ZCCHC17: variants seen among roughly 807,000 people sequenced by gnomAD.
ZCCHC17 encodes the protein zinc finger CCHC domain-containing protein 17.
ZCCHC17 carries 18 observed loss-of-function variants against 30.6 expected under a neutral mutation model. The ratio of observed to expected loss-of-function variants is 0.59; its 90% CI spans 0.41 to 0.87. The LOEUF (loss-of-function observed/expected upper bound fraction) is 0.87, where lower values mean the gene tolerates loss of function less well. ZCCHC17 is among the 40% of genes least tolerant of loss of function. The probability of loss-of-function intolerance (pLI) is 0.00; values close to 1 mark genes in which losing one functional copy is unlikely to be tolerated. For synonymous variants in ZCCHC17, 88 were observed against 92.4 expected, an observed-to-expected ratio of 0.95 and a Z score of 0.27; for missense variants, 263 against 284.2, an observed-to-expected ratio of 0.93 and a Z score of 0.54.
At chr1:31,354,467 G>T (rs1315426576) in intron 7 of ZCCHC17, among the ~76,000 whole-genome samples, 1 of 151,998 alleles carries the variant, frequency 6.6e-6, no homozygotes. Flanking sequence ...ACAGTCACAT[G>T]ATCGTGGCTC....
chr1:31,339,854 T>C lies in ZCCHC17; in HGVS notation c.317+806T>C, dbSNP rs535582100. 3.3e-5 allele frequency among the ~76,000 whole-genome samples: 5 copies of C among 152,178 alleles called. No individual in the cohort carries two copies. In the South Asian group the frequency reaches 1.0e-3, roughly 32 times the overall value. ...GTGCTCTGAAAACAACATCTTACTT[T>C]CGTTGGCTCTTCTGACCTTTCATTT... On this transcript the variant is annotated intron_variant, in intron 5 of 7. Transcript: ENST00000344147.
chr1:31,340,978 A>G (rs1403348780), intron 5 of ZCCHC17, among the ~76,000 whole-genome samples: 5 of 152,160 alleles, frequency 3.3e-5, no homozygotes, highest in Admixed American at 2.0e-4. Flanking sequence ...GTACATAACA[A>G]CCTGCAAAGT....
chr1:31,308,641 A>G (rs981343078), intron 1 of ZCCHC17, among the ~76,000 whole-genome samples: 50 of 152,352 alleles, frequency 3.3e-4, no homozygotes, highest in African/African-American at 1.0e-3. Flanking sequence ...CAGAGTAAAG[A>G]GGCATGTTTA....
At chr1:31,357,819 G>T (rs1008542836) in intron 7 of ZCCHC17, among the ~76,000 whole-genome samples, 1 of 150,772 alleles carries the variant, frequency 6.6e-6, no homozygotes, top group Non-Finnish European at 1.5e-5. Context: ...GCAATGGTGC[G>T]ATCTCAGCTC....
intron 3 of ZCCHC17, among the ~76,000 whole-genome samples, chr1:31,323,523 G>A (rs1018983474): frequency 5.9e-5 from 9 of 151,750 alleles, no homozygotes; most frequent in African/African-American, 9.7e-5. Context: ...GGGTTTCACC[G>A]TGTTAGCCAG....
At chr1:31,319,218 A>T in intron 3 of ZCCHC17, 52 bp downstream of exon 3, 1 of 1,445,806 alleles carries the variant, frequency 6.9e-7, no homozygotes, top group Non-Finnish European at 9.6e-7. Context: ...CTCTGCTAAC[A>T]CTCCACCACC....
intron 6 of ZCCHC17, 74 bp from the exon 7 acceptor site, chr1:31,348,755 C>T: frequency 2.5e-6 from 4 of 1,572,966 alleles, no homozygotes; most frequent in Non-Finnish European, 3.5e-6. Context: ...TTTCAGGAGA[C>T]TTGGGGAAAG....
In ZCCHC17 at chr1:31,312,521, T is replaced by A. The variant is rs185562407; in HGVS notation, c.66+2357T>A. ...GTCCCAGCTCTTTTTGCTTGCTATG[T>A]GAGCCTTTAGGGTGTCACTTAATCT... On this transcript the variant is annotated intron_variant, in intron 2 of 7. Transcript: ENST00000344147. Among the ~76,000 whole-genome samples the A allele has an allele frequency of 4.6e-5, 7 of 152,268 alleles. No homozygotes were observed. The East Asian group carries it at 1.4e-3, about 29-fold the overall frequency.
Position 31,339,044 on chromosome 1 carries a change from AT to A in ZCCHC17, c.315del (p.Ile105MetfsTer25). On this transcript the variant is annotated frameshift_variant, in exon 5 of 8. Transcript: ENST00000344147. LOFTEE classifies it high-confidence loss of function. Reference protein sequence around the residue: ...GKDLDPNNVIIEQEERRRRSF... With the variant: ...GKDLDPNNVIXEQEERRRRSF... ...AGACCTTGATCCCAACAATGTTATC[AT>A]TGAGTAAGTAAAAGGTTTGGAAAGG... 1 of 1,603,834 alleles carries A rather than the reference AT, an allele frequency of 6.2e-7. No individual in the cohort carries two copies. The highest frequency in any genetic ancestry group is 2.2e-5 in the East Asian group (1 of 44,802).
intron 3 of ZCCHC17, among the ~76,000 whole-genome samples, chr1:31,330,847 C>T (rs1305711619): frequency 6.6e-6 from 1 of 152,128 alleles, no homozygotes; most frequent in African/African-American, 2.4e-5. Flanking sequence ...TATATGGTGT[C>T]CTCTACTGCA....
chr1:31,330,109 A>AT (rs547442654), intron 3 of ZCCHC17, among the ~76,000 whole-genome samples: 116 of 152,230 alleles, frequency 7.6e-4, no homozygotes, highest in African/African-American at 2.7e-3. Flanking sequence ...TTGTTTTGAC[A>AT]TTTTTTTGGC....
chr1:31,343,758 C>T (rs1639135241), intron 5 of ZCCHC17, among the ~76,000 whole-genome samples: 1 of 145,114 alleles, frequency 6.9e-6, no homozygotes, highest in African/African-American at 2.5e-5. Context: ...TAGCTCACTA[C>T]AACCTCAAAT....
chr1:31,355,100 A>G (rs531519342), intron 7 of ZCCHC17, among the ~76,000 whole-genome samples: 7 of 151,420 alleles, frequency 4.6e-5, no homozygotes, highest in Admixed American at 2.0e-4. Context: ...GCTTGAACCC[A>G]GGAGGCGGAG....
chr1:31,337,217 A>G lies in ZCCHC17; in HGVS notation c.167A>G (p.Lys56Arg), dbSNP rs1313253852. 1.1e-5 allele frequency: 17 copies of G among 1,614,084 alleles called. No individual in the cohort carries two copies. The highest frequency in any genetic ancestry group is 1.2e-5 in the Non-Finnish European group (14 of 1,180,024). Residue 56 changes from lysine to arginine, a missense_variant, in exon 4 of 8, where the codon AAG (lysine) becomes AGG (arginine). Transcript: ENST00000344147. ...CATATGTCATCCTGTCGGGTGGATAAGCCCTCTGAGATAGTAGATGTTGGA... is the reference window on the plus strand; with the variant it reads ...CATATGTCATCCTGTCGGGTGGATAGGCCCTCTGAGATAGTAGATGTTGGA... ...RTHMSSCRVD[K>R]PSEIVDVGDK...
intron 7 of ZCCHC17, among the ~76,000 whole-genome samples, chr1:31,355,178 TAAAAA>T (rs59792081): frequency 4.1e-4 from 57 of 137,752 alleles, no homozygotes; most frequent in African/African-American, 1.5e-3. Context: ...CCATCTCAAT[TAAAAA>T]AAAAAAAAAA....
chr1:31,317,927 G>A (rs1646775236), intron 2 of ZCCHC17, among the ~76,000 whole-genome samples: 1 of 152,188 alleles, frequency 6.6e-6, no homozygotes, highest in East Asian at 1.9e-4. Flanking sequence ...GTGTAATTAA[G>A]ACTCCGGATT....
intron 1 of ZCCHC17, among the ~76,000 whole-genome samples, chr1:31,304,312 AG>A (rs1646392775): frequency 6.7e-6 from 1 of 149,932 alleles, no homozygotes; most frequent in African/African-American, 2.4e-5. Context: ...TCTGTTGCCC[AG>A]GGTGGAGTTG....
intron 3 of ZCCHC17, among the ~76,000 whole-genome samples, chr1:31,323,179 G>A (rs1472470094): frequency 6.6e-6 from 1 of 152,186 alleles, no homozygotes; most frequent in Non-Finnish European, 1.5e-5. Flanking sequence ...ACTCTGCCAG[G>A]AACTAGGGAC....
intron 5 of ZCCHC17, among the ~76,000 whole-genome samples, chr1:31,342,133 C>G (rs1299642552): frequency 2.0e-5 from 3 of 152,122 alleles, no homozygotes. Context: ...GCAACTCTGC[C>G]TCCTGGGTTC....
Sources: allele counts gnomAD v4.1 joint callset (sites outside exome capture counted in the v4.1 genomes callset), GRCh38; gene constraint gnomAD v4.1.1; transcripts MANE v1.5; gene names NCBI Gene and HGNC (gene_info 2026-07-23, HGNC 2026-07-21).